The following ALK variants were observed in gnomAD, a reference collection of about 807,000 sequenced individuals.
ALK encodes the protein ALK tyrosine kinase receptor.
ALK carries 74 observed loss-of-function variants against 163.1 expected under a neutral mutation model. That is an observed-to-expected ratio of 0.45 (90% confidence interval 0.38 to 0.55). The LOEUF is 0.55. Among genes scored for constraint, ALK ranks in the 20% least tolerant of loss-of-function variants. The pLI is 0.00. For synonymous variants in ALK, 960 were observed against 843.2 expected (o/e 1.14, Z -2.40); for missense variants, 2,063 against 2,105.3 (o/e 0.98, Z 0.39).
intron 3 of ALK, among the ~76,000 whole-genome samples, chr2:29,586,377 A>G (rs1354066965): frequency 6.6e-6 from 1 of 152,198 alleles, no homozygotes; most frequent in Admixed American, 6.5e-5. Flanking sequence ...TTATGTAATC[A>G]TCTCGACAGA....
At chr2:29,239,076 G>C (rs1194400416) in intron 13 of ALK, among the ~76,000 whole-genome samples, 8 of 152,178 alleles carry the variant, frequency 5.3e-5, no homozygotes, top group African/African-American at 1.7e-4. Context: ...CTAAATAAAA[G>C]TTGGAGTTGA....
chr2:29,735,975 C>T (rs2631958), intron 1 of ALK, among the ~76,000 whole-genome samples: 130,103 of 151,978 alleles, frequency 0.86, 55,965 homozygotes, highest in African/African-American at 0.92. Flanking sequence ...ATTATAATTA[C>T]CCCTATTTTG....
intron 1 of ALK, among the ~76,000 whole-genome samples, chr2:29,786,690 T>G (rs541839639): frequency 1.3e-5 from 2 of 152,300 alleles, no homozygotes; most frequent in African/African-American, 4.8e-5. Flanking sequence ...AGGTGGAAAA[T>G]AAATGCTAAT....
intron 4 of ALK, among the ~76,000 whole-genome samples, chr2:29,483,816 C>T (rs1671720004): frequency 6.6e-6 from 1 of 152,098 alleles, no homozygotes; most frequent in Non-Finnish European, 1.5e-5. Flanking sequence ...TGGTGTTTCT[C>T]CATCTTATTA....
chr2:29,670,559 G>A (rs1048654258), intron 3 of ALK, among the ~76,000 whole-genome samples: 7 of 151,984 alleles, frequency 4.6e-5, no homozygotes, highest in African/African-American at 1.2e-4. Context: ...CAAGTTTGAG[G>A]AAGTTTTCTG....
At chr2:29,482,294 T>C (rs776831819) in intron 4 of ALK, among the ~76,000 whole-genome samples, 1 of 152,274 alleles carries the variant, frequency 6.6e-6, no homozygotes, top group East Asian at 1.9e-4. Flanking sequence ...TTTAGAGCCA[T>C]AATTTCATAA....
rs1418275802 is a variant in ALK, at chr2:29,305,147, G to A, written c.1648-8090C>T. Among the ~76,000 whole-genome samples, 4 of 152,306 alleles carry A rather than the reference G, an allele frequency of 2.6e-5. No homozygotes were observed. In the East Asian group the frequency reaches 7.7e-4, roughly 29 times the overall value. On this transcript the variant is annotated intron_variant, in intron 8 of 28. Coordinates refer to ENST00000389048, the MANE Select transcript of ALK (RefSeq NM_004304.5). ...TTTTCATCTTGGACTTTGAGTAAGA[G>A]GCAATTCTTAATAACTTACAAATGG...
Position 29,380,723 on chromosome 2 carries a change from C to T in ALK, c.1282+3009G>A, listed in dbSNP as rs570045555. 6.6e-5 allele frequency among the ~76,000 whole-genome samples: 10 copies of T among 152,288 alleles called. No homozygotes were observed. The East Asian group carries it at 9.6e-4, about 15-fold the overall frequency. ...TGTTGGGATTATAGGCATTAGCCAC[C>T]GTGCCTGGCCCACTGCACACTTTTA... On this transcript the variant is annotated intron_variant, in intron 5 of 28. Transcript: ENST00000389048.
chr2:29,217,746 T>G lies in ALK; in HGVS notation c.3645+2960A>C, dbSNP rs568591274. Among the ~76,000 whole-genome samples the G allele has an allele frequency of 1.3e-4, 20 of 152,222 alleles. 1 individual carries two copies. Among genetic ancestry groups the G allele is most frequent in the Admixed American group, 9.8e-4 (15 of 15,284 alleles). On this transcript the variant is annotated intron_variant, in intron 23 of 28. Transcript: ENST00000389048. ...CCTCAAGCCTGGTTCCTGCACACAGTAGGTCATCAGGGAACCCCTGGGAGT... is the reference window on the plus strand; with the variant it reads ...CCTCAAGCCTGGTTCCTGCACACAGGAGGTCATCAGGGAACCCCTGGGAGT...
At chr2:29,544,839 C>G (rs1256132806) in intron 3 of ALK, among the ~76,000 whole-genome samples, 6 of 152,162 alleles carry the variant, frequency 3.9e-5, no homozygotes, top group African/African-American at 1.4e-4. Context: ...CGTAACTAGA[C>G]ATAAACATGA....
intron 1 of ALK, among the ~76,000 whole-genome samples, chr2:29,880,383 A>G (rs377151525): frequency 9.3e-4 from 142 of 152,328 alleles, no homozygotes; most frequent in African/African-American, 3.2e-3. Context: ...GTCGGGGTGT[A>G]TCAGAGCCCT....
At chr2:29,209,948 G>A (rs2148155585) in intron 24 of ALK, 70 bp from the exon 25 acceptor site, 1 of 1,235,694 alleles carries the variant, frequency 8.1e-7, no homozygotes, top group Non-Finnish European at 1.2e-6. Flanking sequence ...CCATCACTAG[G>A]ATTTTATCTC....
intron 4 of ALK, among the ~76,000 whole-genome samples, chr2:29,400,271 A>G (rs997218109): frequency 1.3e-5 from 2 of 152,234 alleles, no homozygotes; most frequent in African/African-American, 4.8e-5. Flanking sequence ...TTATTTTAAA[A>G]TTAGTGATAA....
chr2:29,513,673 T>C (rs1672583380), intron 4 of ALK, among the ~76,000 whole-genome samples: 2 of 151,188 alleles, frequency 1.3e-5, no homozygotes, highest in East Asian at 1.9e-4. Context: ...CTAAACAGCT[T>C]CTGCACAGCA....
At chr2:29,414,881 C>T (rs1160499374) in intron 4 of ALK, among the ~76,000 whole-genome samples, 1 of 151,630 alleles carries the variant, frequency 6.6e-6, no homozygotes, top group African/African-American at 2.4e-5. Flanking sequence ...AATTGGGATC[C>T]TCAAACTGCC....
chr2:29,266,414 A>G (rs1290586327), intron 11 of ALK, among the ~76,000 whole-genome samples: 1 of 152,244 alleles, frequency 6.6e-6, no homozygotes, highest in Non-Finnish European at 1.5e-5. Context: ...TGGACTGTAA[A>G]TGCACTGAAT....
chr2:29,413,763 C>T (rs1669794915), intron 4 of ALK, among the ~76,000 whole-genome samples: 2 of 152,090 alleles, frequency 1.3e-5, no homozygotes, highest in African/African-American at 4.8e-5. Context: ...GAACTCCTGA[C>T]CTCAGGTGAC....
intron 1 of ALK, among the ~76,000 whole-genome samples, chr2:29,819,764 T>C (rs1664995328): frequency 6.6e-6 from 1 of 152,218 alleles, no homozygotes; most frequent in Non-Finnish European, 1.5e-5. Context: ...ATGTTTCAGC[T>C]CCTGTGCTAG....
intron 4 of ALK, among the ~76,000 whole-genome samples, chr2:29,490,049 A>G (rs1027973236): frequency 1.3e-5 from 2 of 152,254 alleles, no homozygotes; most frequent in African/African-American, 4.8e-5. Context: ...GGATTCATGT[A>G]CCATGGAATA....
Sources: gnomAD v4.1 joint callset for allele counts (sites outside exome capture counted in the v4.1 genomes callset) on GRCh38, gnomAD v4.1.1 for gene constraint, MANE v1.5 for transcripts, NCBI Gene and HGNC (gene_info 2026-07-23, HGNC 2026-07-21) for gene names.